CEPT1: variants seen among roughly 807,000 people sequenced by gnomAD.
CEPT1 encodes the protein choline/ethanolaminephosphotransferase 1.
Under a neutral mutation model 42.6 loss-of-function variants are expected in CEPT1, and 7 were observed. The ratio of observed to expected loss-of-function variants is 0.16; its 90% confidence interval spans 0.09 to 0.31. The LOEUF is 0.31. CEPT1 is among the 10% of genes least tolerant of loss of function. The pLI is 1.00. For missense variants in CEPT1, 306 were observed against 502.1 expected (o/e 0.61, Z 3.73); for synonymous variants, 171 against 171.9 (o/e 0.99, Z 0.04).
chr1:111,178,848 A>C (rs1003545642), intron 5 of CEPT1: 7 of 152,150 alleles, frequency 4.6e-5, no homozygotes, highest in African/African-American at 1.7e-4. Context: ...ATGTAGTATA[A>C]ATTGATTATA....
chr1:111,182,572 G>C, intron 6 of CEPT1: 1 of 569,556 alleles, frequency 1.8e-6, no homozygotes, highest in Non-Finnish European at 3.0e-6. Context: ...GAGCTGCTTT[G>C]TAAAAATAAG....
chr1:111,146,121 C>G (rs1440801332), intron 1 of CEPT1, among the ~76,000 whole-genome samples: 1 of 150,516 alleles, frequency 6.6e-6, no homozygotes, highest in African/African-American at 2.4e-5. Context: ...CCTCCTCCTC[C>G]TCACTATGGT....
At chr1:111,178,147 A>T (rs911154980) in intron 5 of CEPT1, 9 of 152,206 alleles carry the variant, frequency 5.9e-5, no homozygotes, top group Admixed American at 1.3e-4. Context: ...TGCCAAATGG[A>T]GAAAAGATAT....
Position 111,159,167 on chromosome 1 carries a change from G to A in CEPT1, c.340-213G>A, listed in dbSNP as rs538265208. On this transcript the variant is annotated intron_variant, in intron 2 of 8. Transcript: ENST00000357172. ...CCTGACCTCGTGATCCGCCCGCCTC[G>A]GCCTCCCAAAGTGCTGGGATTACAG... Among the ~76,000 whole-genome samples the A allele has an allele frequency of 1.5e-3, 229 of 151,718 alleles. 3 individuals are homozygous for A. Among genetic ancestry groups the A allele is most frequent in the African/African-American group, 5.3e-3 (220 of 41,366 alleles).
chr1:111,151,122 T>G (rs954662812), intron 2 of CEPT1, among the ~76,000 whole-genome samples: 1 of 143,834 alleles, frequency 7.0e-6, no homozygotes, highest in Non-Finnish European at 1.5e-5. Context: ...TTGTTTTTTT[T>G]TGTTTGTTTT....
Position 111,185,037 on chromosome 1 carries a change from T to TA in CEPT1, c.*727_*728insA, listed in dbSNP as rs1161120561. The TA allele has an allele frequency of 1.3e-5, 2 of 152,556 alleles. No homozygotes were observed. The highest frequency in any genetic ancestry group is 4.8e-5 in the African/African-American group (2 of 41,420). The allele number at this position is 152,556 out of a possible 1,614,324, so 9.5% of individuals were successfully genotyped here. Reference sequence around the variant, plus strand: ...TGGAAAGATAAACTAAGTTTTAATGTTATTTTTTTAAATTTAAGCAAAATT... The same window carrying TA: ...TGGAAAGATAAACTAAGTTTTAATGTATATTTTTTTAAATTTAAGCAAAATT... On this transcript the variant is annotated 3_prime_UTR_variant, in exon 9 of 9. Coordinates refer to ENST00000357172, the MANE Select transcript of CEPT1 (RefSeq NM_006090.5).
intron 1 of CEPT1, among the ~76,000 whole-genome samples, chr1:111,141,755 A>G (rs1391886315): frequency 6.6e-6 from 1 of 152,162 alleles, no homozygotes; most frequent in South Asian, 2.1e-4. Context: ...AACTTGCTCT[A>G]TGTATCACTT....
chr1:111,151,989 T>G (rs200394916), intron 2 of CEPT1, among the ~76,000 whole-genome samples: 1 of 152,126 alleles, frequency 6.6e-6, no homozygotes, highest in Non-Finnish European at 1.5e-5. Flanking sequence ...ACCCCTTAGA[T>G]ACGAATTTGG....
chr1:111,147,361 G>A (rs912510081), intron 1 of CEPT1, among the ~76,000 whole-genome samples: 5 of 152,076 alleles, frequency 3.3e-5, no homozygotes, highest in Non-Finnish European at 7.4e-5. Flanking sequence ...AAGCAGTGTG[G>A]GATGGAAAAA....
chr1:111,183,719 A>G, intron 8 of CEPT1, 132 bp downstream of exon 8: 1 of 976,058 alleles, frequency 1.0e-6, no homozygotes. Context: ...ATCCACATAA[A>G]TGGGGCTGTG....
chr1:111,171,690 T>C (rs1286519863), intron 4 of CEPT1, among the ~76,000 whole-genome samples: 1 of 152,258 alleles, frequency 6.6e-6, no homozygotes, highest in African/African-American at 2.4e-5. Context: ...GAGAATTCTT[T>C]TTTGTCTTTT....
chr1:111,180,557 T>C (rs1431996297), intron 5 of CEPT1: 1 of 152,216 alleles, frequency 6.6e-6, no homozygotes, highest in Non-Finnish European at 1.5e-5. Flanking sequence ...CTTGACTTAG[T>C]TGACCTAGTT....
At chr1:111,164,148 T>C (rs1656014217) in intron 4 of CEPT1, among the ~76,000 whole-genome samples, 1 of 152,224 alleles carries the variant, frequency 6.6e-6, no homozygotes, top group Non-Finnish European at 1.5e-5. Flanking sequence ...TGAACAAAAA[T>C]AGTCACAGGA....
At chr1:111,163,396 G>A (rs1354702616) in intron 4 of CEPT1, among the ~76,000 whole-genome samples, 2 of 152,138 alleles carry the variant, frequency 1.3e-5, no homozygotes, top group Non-Finnish European at 2.9e-5. Context: ...CTGGGAGCCC[G>A]AGGAAAGAGG....
chr1:111,169,001 G>A (rs531396401), intron 4 of CEPT1, among the ~76,000 whole-genome samples: 64 of 152,130 alleles, frequency 4.2e-4, no homozygotes, highest in African/African-American at 1.4e-3. Flanking sequence ...ACAGCCTCCT[G>A]TATACTTTAA....
At chr1:111,175,200 G>T (rs1656617153) in intron 5 of CEPT1, among the ~76,000 whole-genome samples, 1 of 152,088 alleles carries the variant, frequency 6.6e-6, no homozygotes, top group African/African-American at 2.4e-5. Flanking sequence ...AATTAGTATT[G>T]TTATCCCATT....
At chr1:111,170,300 T>G (rs912449579) in intron 4 of CEPT1, among the ~76,000 whole-genome samples, 2 of 152,204 alleles carry the variant, frequency 1.3e-5, no homozygotes, top group Non-Finnish European at 2.9e-5. Flanking sequence ...TATTTTTCTC[T>G]TCTTACTCAG....
intron 2 of CEPT1, among the ~76,000 whole-genome samples, chr1:111,154,382 G>A (rs2101275357): frequency 6.6e-6 from 1 of 152,116 alleles, no homozygotes; most frequent in East Asian, 1.9e-4. Context: ...AGTTCTATGA[G>A]TTTTTTGATG....
At chr1:111,156,867 A>G (rs935254235) in intron 2 of CEPT1, among the ~76,000 whole-genome samples, 1 of 152,202 alleles carries the variant, frequency 6.6e-6, no homozygotes, top group African/African-American at 2.4e-5. Context: ...GGAATTTTTT[A>G]CCTGAGTTGA....
Sources: gnomAD v4.1 joint callset for allele counts (sites outside exome capture counted in the v4.1 genomes callset) on GRCh38, gnomAD v4.1.1 for gene constraint, MANE v1.5 for transcripts, NCBI Gene and HGNC (gene_info 2026-07-23, HGNC 2026-07-21) for gene names.